The following PTPN2 variants were observed in gnomAD, a reference collection of about 807,000 sequenced individuals.
PTPN2 encodes the protein tyrosine-protein phosphatase non-receptor type 2.
A neutral mutation model predicts 57.3 loss-of-function variants in PTPN2; 19 were observed. The ratio of observed to expected loss-of-function variants is 0.33; its 90% CI spans 0.23 to 0.49. The LOEUF (loss-of-function observed/expected upper bound fraction) is 0.49, where lower values mean the gene tolerates loss of function less well. Among genes scored for constraint, PTPN2 ranks in the 20% least tolerant of loss-of-function variants. PTPN2 has a pLI of 0.99. For missense variants in PTPN2, 358 were observed against 501.1 expected (o/e 0.71, Z 2.73); for synonymous variants, 153 against 164.9 (o/e 0.93, Z 0.55).
intron 2 of PTPN2, among the ~76,000 whole-genome samples, chr18:12,858,587 TAAGAA>T (rs1459592415): frequency 6.6e-6 from 1 of 152,080 alleles, no homozygotes; most frequent in Non-Finnish European, 1.5e-5. Context: ...AATGTACTGC[TAAGAA>T]AAGAGCTACA....
intron 1 of PTPN2, chr18:12,863,153 TATCACAGATTCCGAATGTTTCCTCTG>T (rs2043872117): frequency 6.6e-6 from 1 of 152,192 alleles, no homozygotes; most frequent in African/African-American, 2.4e-5. Context: ...CTTCCCCTTC[TATCACAGATTCCGAATGTTTCCTCTG>T]GGCACAGTGG....
chr18:12,807,586 A>ATATATATAT (rs1555660749), intron 7 of PTPN2, among the ~76,000 whole-genome samples: 15 of 35,198 alleles, frequency 4.3e-4, no homozygotes, highest in African/African-American at 6.3e-4. Flanking sequence ...AAAAAAAAAA[A>ATATATATAT]ATATATATAT....
chr18:12,855,927 T>C (rs748224542), intron 2 of PTPN2, among the ~76,000 whole-genome samples: 1 of 152,234 alleles, frequency 6.6e-6, no homozygotes, highest in Non-Finnish European at 1.5e-5. Context: ...TTCAATACAT[T>C]TCCAACTTCA....
At chr18:12,870,439 GTGTATATATATATATATA>G (rs2044207316) in intron 1 of PTPN2, among the ~76,000 whole-genome samples, 1 of 30,370 alleles carries the variant, frequency 3.3e-5, no homozygotes, top group African/African-American at 3.2e-4. Flanking sequence ...ATATATATAT[GTGTATATATATATATATA>G]TATATAGAGA....
chr18:12,815,110 AAATAAATAAATAAATAAATAAAT>A (rs2042026025), intron 6 of PTPN2, among the ~76,000 whole-genome samples: 1 of 74,980 alleles, frequency 1.3e-5, no homozygotes, highest in Non-Finnish European at 4.0e-5. Context: ...ATAAATAAAT[AAATAAATAAATAAATAAATAAAT>A]AAAAATGTGG....
intron 2 of PTPN2, among the ~76,000 whole-genome samples, chr18:12,842,057 C>G (rs2043063389): frequency 6.6e-6 from 1 of 152,134 alleles, no homozygotes; most frequent in African/African-American, 2.4e-5. Context: ...CAGGCATGTG[C>G]CACCACGCCC....
chr18:12,830,802 C>G, intron 4 of PTPN2, 141 bp downstream of exon 4: 1 of 539,666 alleles, frequency 1.9e-6, no homozygotes, highest in Non-Finnish European at 3.3e-6. Context: ...ATGAGTTTTT[C>G]CGGACAGAAA....
chr18:12,825,116 CCAAA>C (rs562331481), intron 5 of PTPN2, among the ~76,000 whole-genome samples: 1,806 of 152,090 alleles, frequency 0.012, 36 homozygotes, highest in African/African-American at 0.04. Flanking sequence ...AACCAACCAA[CCAAA>C]CAAACACCCA....
intron 1 of PTPN2, among the ~76,000 whole-genome samples, chr18:12,870,447 A>ATATG (rs2044210238): frequency 3.4e-5 from 1 of 29,140 alleles, no homozygotes; most frequent in Non-Finnish European, 5.3e-5. Context: ...ATGTGTATAT[A>ATATG]TATATATATA....
intron 8 of PTPN2, among the ~76,000 whole-genome samples, chr18:12,799,898 T>A (rs1245533574): frequency 6.6e-6 from 1 of 152,198 alleles, no homozygotes; most frequent in African/African-American, 2.4e-5. Flanking sequence ...CCCACAGCAC[T>A]GAGATTACAA....
At chr18:12,785,796 C>G (rs373280617) in exon 10 of PTPN2, 45 of 1,607,396 alleles carry the variant, frequency 2.8e-5, no homozygotes, top group Non-Finnish European at 3.7e-5. Flanking sequence ...AAATTTATAG[C>G]TGCAGAATAT....
intron 3 of PTPN2, among the ~76,000 whole-genome samples, 180 bp downstream of exon 3, chr18:12,836,611 A>C (rs1490342920): frequency 6.6e-6 from 1 of 152,378 alleles, no homozygotes; most frequent in Non-Finnish European, 1.5e-5. Flanking sequence ...CTTGCCTTTT[A>C]TCTTAAATAC....
chr18:12,787,666 CTTAA>C (rs1184630982), downstream of PTPN2: 1 of 152,090 alleles, frequency 6.6e-6, no homozygotes, highest in Non-Finnish European at 1.5e-5. Context: ...CATTGGGAGG[CTTAA>C]TTGTTTTAAA....
chr18:12,853,306 C>T (rs1281802140), intron 2 of PTPN2, among the ~76,000 whole-genome samples: 1 of 152,074 alleles, frequency 6.6e-6, no homozygotes, highest in African/African-American at 2.4e-5. Flanking sequence ...TGCATCACCA[C>T]GTCCCAGCTA....
chr18:12,868,039 T>C (rs1486884376), intron 1 of PTPN2, among the ~76,000 whole-genome samples: 4 of 152,220 alleles, frequency 2.6e-5, no homozygotes, highest in Non-Finnish European at 5.9e-5. Context: ...CCGCTTACAC[T>C]GTTCACTATC....
intron 7 of PTPN2, among the ~76,000 whole-genome samples, chr18:12,812,982 C>G (rs887566544): frequency 4.0e-5 from 6 of 151,030 alleles, no homozygotes; most frequent in African/African-American, 1.5e-4. Flanking sequence ...GATCCACCCT[C>G]AGATAAAGTA....
At chr18:12,848,387 C>T (rs2043283145) in intron 2 of PTPN2, among the ~76,000 whole-genome samples, 1 of 152,224 alleles carries the variant, frequency 6.6e-6, no homozygotes, top group Non-Finnish European at 1.5e-5. Flanking sequence ...ATACTTCCTC[C>T]ATCAAACTAA....
chr18:12,830,862 A>C (rs2042643294), intron 4 of PTPN2, 81 bp downstream of exon 4: 1 of 1,088,736 alleles, frequency 9.2e-7, no homozygotes, highest in Admixed American at 2.0e-5. Context: ...TAAGGAATGA[A>C]TATTGGCCCC....
chr18:12,785,808 C>T (rs766049176), exon 10 of PTPN2: 9 of 1,609,864 alleles, frequency 5.6e-6, no homozygotes, highest in African/African-American at 1.3e-5. Context: ...GCAGAATATT[C>T]TCAAGTCATG....
Sources: gnomAD v4.1 joint callset for allele counts (sites outside exome capture counted in the v4.1 genomes callset) on GRCh38, gnomAD v4.1.1 for gene constraint, MANE v1.5 for transcripts, NCBI Gene and HGNC (gene_info 2026-07-23, HGNC 2026-07-21) for gene names.